Variants in ZEB1 observed in about 807,000 individuals in gnomAD.
The protein encoded by ZEB1 is zinc finger E-box binding homeobox 1.
In ZEB1, 21 loss-of-function variants were observed where a neutral mutation model predicts 84.9. The observed-to-expected ratio is 0.25, with a 90% CI of 0.18 to 0.36. ZEB1 has a LOEUF of 0.36. ZEB1 is among the 10% of genes least tolerant of loss of function. ZEB1 has a pLI of 1.00. For synonymous variants in ZEB1, 420 were observed against 471.1 expected (o/e 0.89, Z 1.41); for missense variants, 1,104 against 1,330.2 (o/e 0.83, Z 2.65).
rs1219838139 is a variant in ZEB1, at chr10:31,526,688, G to A, written c.2802G>A (p.Glu934=). The A allele has an allele frequency of 2.5e-6, 4 of 1,613,916 alleles. No individual in the cohort carries two copies. The highest frequency in any genetic ancestry group is 3.4e-6 in the Non-Finnish European group (4 of 1,179,984). Residue 934 remains glutamate (E), a synonymous_variant, in exon 9 of 9, where the codon GAG becomes GAA. Coordinates refer to ENST00000424869, the MANE Select transcript of ZEB1 (RefSeq NM_001174096.2). The part of the protein sequence containing the change: ...KYEHTGKRPH[E]CGICKKAFKH... Reference sequence around the variant, plus strand: ...ATTTTGCAGGTAAAAGACCTCATGAGTGTGGAATCTGTAAAAAGGCATTTA... The same window carrying A: ...ATTTTGCAGGTAAAAGACCTCATGAATGTGGAATCTGTAAAAAGGCATTTA...
upstream of ZEB1, chr10:31,318,441 T>C (rs1250565357): frequency 6.6e-6 from 1 of 152,478 alleles, no homozygotes; most frequent in South Asian, 2.0e-4. Context: ...AGGAGGCTGC[T>C]GGCAAGCGGA....
At position 31,526,535 on chromosome 10, in the gene ZEB1, A is replaced by G. The variant is rs182114049; in HGVS notation, c.2786-137A>G. Reference sequence around the variant, plus strand: ...CAAATTGCAATATTATATTACAAAGAGTTTGGGACCTGGAAATGTTTTAAA... The same window carrying G: ...CAAATTGCAATATTATATTACAAAGGGTTTGGGACCTGGAAATGTTTTAAA... On this transcript the variant is annotated intron_variant, in intron 8 of 8. Coordinates refer to ENST00000424869, the MANE Select transcript of ZEB1 (RefSeq NM_001174096.2). 1.5e-3 allele frequency: 1,603 copies of G among 1,085,476 alleles called. 36 individuals are homozygous for G. The Admixed American group carries it at 0.034, about 23-fold the overall frequency. The allele number at this position is 1,085,476 out of a possible 1,614,324, so 67.2% of individuals were successfully genotyped here. A position where few individuals can be genotyped will look rare whatever the true frequency, so the allele number is the denominator to read the frequency against.
intron 1 of ZEB1, among the ~76,000 whole-genome samples, chr10:31,414,544 C>G (rs565722069): frequency 6.6e-6 from 1 of 152,270 alleles, no homozygotes; most frequent in East Asian, 1.9e-4. Context: ...CTACTACATG[C>G]AACTGATTAT....
chr10:31,509,114 G>A (rs1039747263), intron 4 of ZEB1, among the ~76,000 whole-genome samples: 1 of 152,216 alleles, frequency 6.6e-6, no homozygotes, highest in Non-Finnish European at 1.5e-5. Context: ...AGGTATGTCA[G>A]TGGGGCTCAA....
intron 1 of ZEB1, among the ~76,000 whole-genome samples, chr10:31,385,502 CTTTTT>C (rs2048460697): frequency 6.6e-6 from 1 of 150,836 alleles, no homozygotes; most frequent in African/African-American, 2.4e-5. Flanking sequence ...ATTTTGTTTT[CTTTTT>C]TCTTTTCTTT....
chr10:31,328,656 A>C (rs757884913), intron 1 of ZEB1, among the ~76,000 whole-genome samples: 1 of 152,136 alleles, frequency 6.6e-6, no homozygotes, highest in Non-Finnish European at 1.5e-5. Flanking sequence ...GCTTCATCTT[A>C]ATGCTACTTT....
chr10:31,392,836 TA>T (rs779953908), intron 1 of ZEB1, among the ~76,000 whole-genome samples: 64 of 151,804 alleles, frequency 4.2e-4, no homozygotes, highest in Non-Finnish European at 7.9e-4. Flanking sequence ...TCCATATATA[TA>T]TTTTTTTGTT....
At chr10:31,321,245 T>C (rs2033956729) in intron 1 of ZEB1, 1 of 1,228,422 alleles carries the variant, frequency 8.1e-7, no homozygotes, top group East Asian at 3.8e-5. Flanking sequence ...ATTTTTAAGC[T>C]GTTTCAAGAT....
At chr10:31,344,442 A>G (rs2039946996) in intron 1 of ZEB1, among the ~76,000 whole-genome samples, 1 of 152,110 alleles carries the variant, frequency 6.6e-6, no homozygotes, top group African/African-American at 2.4e-5. Context: ...CTTTACAGTA[A>G]TGAAATAGAA....
chr10:31,430,766 T>C (rs2057614868), intron 1 of ZEB1, among the ~76,000 whole-genome samples: 1 of 152,206 alleles, frequency 6.6e-6, no homozygotes, highest in Admixed American at 6.5e-5. Flanking sequence ...TATAAGCCTT[T>C]TTAGCTACAG....
At chr10:31,471,932 G>A (rs1351845533) in intron 2 of ZEB1, among the ~76,000 whole-genome samples, 1 of 140,578 alleles carries the variant, frequency 7.1e-6, no homozygotes, top group Non-Finnish European at 1.5e-5. Flanking sequence ...CAACTACATG[G>A]AAACTGAACA....
chr10:31,420,702 A>G (rs930044143), intron 1 of ZEB1, among the ~76,000 whole-genome samples: 3 of 152,126 alleles, frequency 2.0e-5, no homozygotes, highest in Non-Finnish European at 4.4e-5. Context: ...CTCAGGTCCT[A>G]CTTATACTCA....
chr10:31,357,444 C>T (rs531347647), intron 1 of ZEB1, among the ~76,000 whole-genome samples: 83 of 152,086 alleles, frequency 5.5e-4, no homozygotes, highest in African/African-American at 9.2e-4. Flanking sequence ...AAGAACATAG[C>T]GATCTGAGTA....
chr10:31,334,935 A>G (rs1214188496), intron 1 of ZEB1, among the ~76,000 whole-genome samples: 3 of 152,278 alleles, frequency 2.0e-5, no homozygotes, highest in East Asian at 3.9e-4. Context: ...AAATTCTACA[A>G]AACATTCAAG....
intron 1 of ZEB1, among the ~76,000 whole-genome samples, chr10:31,415,288 G>C (rs1360277618): frequency 6.6e-6 from 1 of 152,062 alleles, no homozygotes; most frequent in African/African-American, 2.4e-5. Context: ...ATTAAGCAAG[G>C]ATGATACCCT....
chr10:31,363,709 A>G (rs1418411196), intron 1 of ZEB1: 39 of 1,215,038 alleles, frequency 3.2e-5, no homozygotes, highest in Non-Finnish European at 4.6e-5. Flanking sequence ...GTGTCCAAAC[A>G]TTATGGAGTT....
intron 1 of ZEB1, among the ~76,000 whole-genome samples, chr10:31,456,327 G>A (rs546541223): frequency 3.9e-5 from 6 of 152,134 alleles, no homozygotes; most frequent in African/African-American, 1.4e-4. Context: ...TGATGGAGCA[G>A]CACATCACCA....
At chr10:31,526,503 A>C (rs1054699575) in intron 8 of ZEB1, among the ~76,000 whole-genome samples, 169 bp from the exon 9 acceptor site, 1 of 152,170 alleles carries the variant, frequency 6.6e-6, no homozygotes, top group Non-Finnish European at 1.5e-5. Flanking sequence ...TAATGTAAAG[A>C]ACAAACCAAA....
At chr10:31,337,425 G>T (rs1204481166) in intron 1 of ZEB1, among the ~76,000 whole-genome samples, 1 of 151,698 alleles carries the variant, frequency 6.6e-6, no homozygotes, top group Non-Finnish European at 1.5e-5. Context: ...TTATTTTATA[G>T]AATTCTTTAA....
Sources: gnomAD v4.1 joint callset for allele counts (sites outside exome capture counted in the v4.1 genomes callset) on GRCh38, gnomAD v4.1.1 for gene constraint, MANE v1.5 for transcripts, NCBI Gene and HGNC (gene_info 2026-07-23, HGNC 2026-07-21) for gene names.